The following CRTC3 variants were observed in gnomAD, a reference collection of about 807,000 sequenced individuals.
CRTC3 encodes the protein CREB-regulated transcription coactivator 3.
Under a neutral mutation model 74.5 loss-of-function variants are expected in CRTC3, and 26 were observed. That is an observed-to-expected ratio of 0.35 (90% CI 0.26 to 0.48). The LOEUF (loss-of-function observed/expected upper bound fraction) is 0.48, where lower values mean the gene tolerates loss of function less well. Ranked by LOEUF, CRTC3 falls within the 20% of genes least tolerant of loss-of-function variation. CRTC3 has a pLI of 0.99. For synonymous variants in CRTC3, 377 were observed against 325.8 expected (o/e 1.16, Z -1.69); for missense variants, 760 against 787.3 (o/e 0.97, Z 0.41).
At chr15:90,600,957 A>C (rs1375396960) in intron 3 of CRTC3, among the ~76,000 whole-genome samples, 1 of 152,186 alleles carries the variant, frequency 6.6e-6, no homozygotes, top group Non-Finnish European at 1.5e-5. Flanking sequence ...GGGGCAGGAA[A>C]ATACAGGCTG....
chr15:90,542,009 C>T (rs1308019860), intron 2 of CRTC3, among the ~76,000 whole-genome samples: 1 of 151,738 alleles, frequency 6.6e-6, no homozygotes, highest in African/African-American at 2.4e-5. Flanking sequence ...GTCTTGAACT[C>T]CTGACCTCAA....
At chr15:90,539,915 C>A in intron 1 of CRTC3, 124 bp from the exon 2 acceptor site, 2 of 713,414 alleles carry the variant, frequency 2.8e-6, no homozygotes, top group East Asian at 2.7e-5. Flanking sequence ...TGATCACTTA[C>A]GTCGAGAAGA....
At chr15:90,558,450 C>T (rs1262731181) in intron 2 of CRTC3, among the ~76,000 whole-genome samples, 1 of 152,212 alleles carries the variant, frequency 6.6e-6, no homozygotes, top group East Asian at 1.9e-4. Context: ...GGGCCCCCAT[C>T]ATCTCTGCTC....
chr15:90,616,734 C>A (rs1968503185), intron 7 of CRTC3, among the ~76,000 whole-genome samples: 1 of 152,208 alleles, frequency 6.6e-6, no homozygotes, highest in Admixed American at 6.5e-5. Flanking sequence ...ACCCAGCATT[C>A]TTGTTTTACC....
At chr15:90,618,215 A>AAC (rs1285455568) in intron 8 of CRTC3, 13 of 258,516 alleles carry the variant, frequency 5.0e-5, no homozygotes, top group Admixed American at 1.5e-4. Flanking sequence ...TTAAAAAAAA[A>AAC]AAAAAAACCC....
At chr15:90,594,849 G>A (rs1380130892) in intron 3 of CRTC3, 1 of 152,210 alleles carries the variant, frequency 6.6e-6, no homozygotes, top group Non-Finnish European at 1.5e-5. Flanking sequence ...CATTCGCAGT[G>A]ATGAGGACCT....
chr15:90,608,462 C>A (rs1317244819), intron 6 of CRTC3, among the ~76,000 whole-genome samples: 1 of 152,142 alleles, frequency 6.6e-6, no homozygotes, highest in African/African-American at 2.4e-5. Flanking sequence ...CTCTCTCTCT[C>A]ACTCCTGGCC....
At chr15:90,565,045 C>T (rs936416885) in intron 2 of CRTC3, among the ~76,000 whole-genome samples, 10 of 152,172 alleles carry the variant, frequency 6.6e-5, no homozygotes, top group East Asian at 1.9e-4. Context: ...CGGGTTCAAG[C>T]GATTCTCCTG....
intron 2 of CRTC3, among the ~76,000 whole-genome samples, chr15:90,555,850 T>A (rs1966883996): frequency 6.6e-6 from 1 of 152,122 alleles, no homozygotes; most frequent in South Asian, 2.1e-4. Flanking sequence ...TTTTTAAACC[T>A]TTACGTTCAG....
chr15:90,571,299 G>T (rs1320065780), intron 2 of CRTC3, among the ~76,000 whole-genome samples: 1 of 152,182 alleles, frequency 6.6e-6, no homozygotes, highest in Non-Finnish European at 1.5e-5. Flanking sequence ...AACCCAAACG[G>T]GTTGGGAGGA....
intron 2 of CRTC3, among the ~76,000 whole-genome samples, chr15:90,545,805 C>T (rs1966843343): frequency 6.6e-6 from 1 of 151,842 alleles, no homozygotes; most frequent in Non-Finnish European, 1.5e-5. Context: ...GTCTCCATCT[C>T]CTGACTTTGT....
intron 1 of CRTC3, among the ~76,000 whole-genome samples, chr15:90,537,345 C>T (rs1490489416): frequency 2.0e-5 from 3 of 152,306 alleles, no homozygotes; most frequent in Admixed American, 6.5e-5. Context: ...CCCAACCACA[C>T]GGGAGTTGCA....
chr15:90,587,435 A>G (rs1398794781), intron 2 of CRTC3, among the ~76,000 whole-genome samples: 1 of 152,190 alleles, frequency 6.6e-6, no homozygotes, highest in African/African-American at 2.4e-5. Context: ...CTAGCACTGG[A>G]TCCCAGACAC....
At chr15:90,592,716 A>C (rs193213110) in intron 2 of CRTC3, among the ~76,000 whole-genome samples, 5 of 152,220 alleles carry the variant, frequency 3.3e-5, no homozygotes, top group Non-Finnish European at 7.3e-5. Context: ...CAGGGGTTAC[A>C]CACTCTGAAT....
chr15:90,619,417 C>T (rs77261484), intron 8 of CRTC3, among the ~76,000 whole-genome samples: 3,320 of 152,292 alleles, frequency 0.022, 121 homozygotes, highest in African/African-American at 0.074. Context: ...AGATGTGCCA[C>T]TGCCACTCCA....
chr15:90,555,408 A>G (rs1424544334), intron 2 of CRTC3, among the ~76,000 whole-genome samples: 1 of 152,270 alleles, frequency 6.6e-6, no homozygotes, highest in Non-Finnish European at 1.5e-5. Flanking sequence ...AAGAAAATGC[A>G]GACACTATCA....
intron 11 of CRTC3, among the ~76,000 whole-genome samples, chr15:90,636,123 A>G (rs1969225670): frequency 6.6e-6 from 1 of 152,086 alleles, no homozygotes; most frequent in African/African-American, 2.4e-5. Context: ...AAAAGAACAA[A>G]GCTGGAGGCA....
intron 11 of CRTC3, among the ~76,000 whole-genome samples, chr15:90,631,501 A>T (rs573933611): frequency 1.4e-4 from 22 of 152,170 alleles, no homozygotes; most frequent in African/African-American, 5.1e-4. Flanking sequence ...TCCAAGGCAG[A>T]CGGATCACTT....
At chr15:90,536,838 C>T (rs993740078) in intron 1 of CRTC3, among the ~76,000 whole-genome samples, 4 of 152,174 alleles carry the variant, frequency 2.6e-5, no homozygotes, top group Non-Finnish European at 5.9e-5. Flanking sequence ...TTGGCAAACA[C>T]GATCTAAGGG....
Sources: allele counts gnomAD v4.1 joint callset (sites outside exome capture counted in the v4.1 genomes callset), GRCh38; gene constraint gnomAD v4.1.1; transcripts MANE v1.5; gene names NCBI Gene and HGNC (gene_info 2026-07-23, HGNC 2026-07-21).